ZNF91: variants seen among roughly 807,000 people sequenced by gnomAD.
ZNF91 encodes zinc finger protein 91 (HPF7, HTF10).
Under a neutral mutation model 12.6 loss-of-function variants are expected in ZNF91, and 7 were observed. The ratio of observed to expected loss-of-function variants is 0.55; its 90% CI spans 0.31 to 1.04. The LOEUF (loss-of-function observed/expected upper bound fraction) is 1.04. Ranked by LOEUF, ZNF91 falls within the 50% of genes least tolerant of loss-of-function variation. The probability of loss-of-function intolerance (pLI) is 0.05; values close to 1 mark genes in which losing one functional copy is unlikely to be tolerated. For synonymous variants in ZNF91, 453 were observed against 462.6 expected (o/e 0.98, Z 0.27); for missense variants, 1,217 against 1,385.4 (o/e 0.88, Z 1.93).
At chr19:23,313,929 C>G (rs1967510172), upstream of ZNF91, among the ~76,000 whole-genome samples, 1 of 152,128 alleles carries the variant, frequency 6.6e-6, no homozygotes, top group African/African-American at 2.4e-5. Context: ...ATAGCCAGAA[C>G]AGGGACACGT....
rs1206143210 is a variant in ZNF91, at chr19:23,395,351, G to C, written c.4C>G (p.Pro2Ala). The C allele has an allele frequency of 3.7e-6, 6 of 1,613,784 alleles. No homozygotes were observed. Among genetic ancestry groups the C allele is most frequent in the Non-Finnish European group, 5.1e-6 (6 of 1,179,916 alleles). Reference protein sequence around the residue: MPGTPGSLEMGL... With the variant: MAGTPGSLEMGL... Reference sequence around the variant, plus strand: ...ATTTCTAGGCTTCCAGGGGTTCCTGGCATCTTAGCTGTGGCTCTCCAATAC... The same window carrying C: ...ATTTCTAGGCTTCCAGGGGTTCCTGCCATCTTAGCTGTGGCTCTCCAATAC... Residue 2 changes from proline (P) to alanine (A), a missense_variant, in exon 1 of 4, where the codon CCA (proline) becomes GCA (alanine). By Grantham distance (27) the Pro-to-Ala change is conservative. Coordinates refer to ENST00000300619, the MANE Select transcript of ZNF91 (RefSeq NM_003430.4).
At chr19:23,368,805 C>T (rs891727641) in intron 3 of ZNF91, among the ~76,000 whole-genome samples, 1 of 151,114 alleles carries the variant, frequency 6.6e-6, no homozygotes, top group Non-Finnish European at 1.5e-5. Flanking sequence ...TAAAACGGAA[C>T]AATAAAGTTA....
intron 3 of ZNF91, chr19:23,339,715 G>A (rs974708830): frequency 6.6e-6 from 1 of 152,110 alleles, no homozygotes; most frequent in Non-Finnish European, 1.5e-5. Context: ...TGAGACAGGT[G>A]GACCACCTGA....
intron 1 of ZNF91, among the ~76,000 whole-genome samples, chr19:23,318,444 G>T (rs1406728644): frequency 6.6e-6 from 1 of 152,128 alleles, no homozygotes; most frequent in African/African-American, 2.4e-5. Context: ...TGCAGGAAAG[G>T]TTGTGATGTG....
chr19:23,385,179 G>C, intron 1 of ZNF91: 1 of 688,474 alleles, frequency 1.5e-6, no homozygotes, highest in Non-Finnish European at 2.6e-6. Flanking sequence ...TCAAGGGAAA[G>C]ACTAAGTCAG....
At chr19:23,388,468 C>G (rs1224970203) in intron 1 of ZNF91, among the ~76,000 whole-genome samples, 1 of 152,148 alleles carries the variant, frequency 6.6e-6, no homozygotes, top group Non-Finnish European at 1.5e-5. Flanking sequence ...TACCTGTTTT[C>G]AAATTATACT....
chr19:23,367,188 A>G lies in ZNF91; in HGVS notation c.254-4463T>C, dbSNP rs139135308. Among the ~76,000 whole-genome samples, 1,028 of 152,306 alleles carry G rather than the reference A, an allele frequency of 6.7e-3. 8 individuals carry two copies. The highest frequency in any genetic ancestry group is 0.023 in the African/African-American group (968 of 41,564). ...TTGTTTGTAGTCCCAACTACTTGAGAGACTTAGGTGGAAAGATAACTTGAG... is the reference window on the plus strand; with the variant it reads ...TTGTTTGTAGTCCCAACTACTTGAGGGACTTAGGTGGAAAGATAACTTGAG... On this transcript the variant is annotated intron_variant, in intron 3 of 3. Transcript: ENST00000300619.
chr19:23,379,984 C>A lies in ZNF91; in HGVS notation c.31-5220G>T, dbSNP rs115465422. On this transcript the variant is annotated intron_variant, in intron 1 of 3. Transcript: ENST00000300619. ...TCAAAGAGTGAAGTCTGGCCGGGTG[C>A]GGTGGCTCATGCCTGTAATCCCAGC... Among the ~76,000 whole-genome samples, 1,290 of 152,058 alleles carry A rather than the reference C, an allele frequency of 8.5e-3. 15 individuals carry two copies. Among genetic ancestry groups the A allele is most frequent in the African/African-American group, 0.029 (1,214 of 41,478 alleles).
intron 1 of ZNF91, among the ~76,000 whole-genome samples, chr19:23,392,833 T>C (rs1041362841): frequency 7.0e-6 from 1 of 142,546 alleles, no homozygotes; most frequent in Non-Finnish European, 1.5e-5. Flanking sequence ...TAGGTCAAAA[T>C]AAGTGAACAA....
At chr19:23,351,217 T>TG (rs1424808772) in intron 3 of ZNF91, among the ~76,000 whole-genome samples, 2 of 151,542 alleles carry the variant, frequency 1.3e-5, no homozygotes, top group Non-Finnish European at 2.9e-5. Flanking sequence ...CCCAGCTACT[T>TG]GGAGGCTGAG....
chr19:23,363,863 A>G (rs901600297), intron 3 of ZNF91, among the ~76,000 whole-genome samples: 1 of 152,194 alleles, frequency 6.6e-6, no homozygotes, highest in East Asian at 1.9e-4. Flanking sequence ...AGGTAAAAAT[A>G]TAAAAACTGA....
At chr19:23,330,449 C>T (rs992102740) in intron 1 of ZNF91, among the ~76,000 whole-genome samples, 2 of 152,162 alleles carry the variant, frequency 1.3e-5, no homozygotes, top group South Asian at 2.1e-4. Flanking sequence ...TCACCAGAAT[C>T]GGAGGTGAGC....
At chr19:23,386,506 C>T (rs1204064439) in intron 1 of ZNF91, among the ~76,000 whole-genome samples, 1 of 152,128 alleles carries the variant, frequency 6.6e-6, no homozygotes, top group Non-Finnish European at 1.5e-5. Flanking sequence ...AATAATGCCA[C>T]ACACCTACAA....
chr19:23,385,156 T>A, intron 1 of ZNF91: 1 of 708,524 alleles, frequency 1.4e-6, no homozygotes, highest in Non-Finnish European at 2.5e-6. Context: ...CCATCCCGCG[T>A]CATGCAAGCT....
chr19:23,366,629 G>T (rs537427031), intron 3 of ZNF91, among the ~76,000 whole-genome samples: 1 of 152,312 alleles, frequency 6.6e-6, no homozygotes, highest in East Asian at 1.9e-4. Context: ...GGTTGAAGGC[G>T]AAGATTAACT....
chr19:23,362,419 C>T lies in ZNF91; in HGVS notation c.560G>A (p.Cys187Tyr), dbSNP rs539170632. Residue 187 changes from cysteine to tyrosine, a missense_variant, in exon 4 of 4, where the codon TGT becomes TAT. Transcript: ENST00000300619. ...TGKKCFKCKKCVKSFCIRLHK... is the reference protein window; with the variant it reads ...TGKKCFKCKKYVKSFCIRLHK... ...TAAACGGATGCAAAATGACTTGACACATTTTTTACATTTGAAGCATTTCTT... is the reference window on the plus strand; with the variant it reads ...TAAACGGATGCAAAATGACTTGACATATTTTTTACATTTGAAGCATTTCTT... The T allele has an allele frequency of 1.3e-5, 21 of 1,613,936 alleles. No homozygotes were observed. In the East Asian group the frequency reaches 3.6e-4, roughly 27 times the overall value.
At chr19:23,315,593 C>A (rs76037634), upstream of ZNF91, among the ~76,000 whole-genome samples, 2 of 151,152 alleles carry the variant, frequency 1.3e-5, no homozygotes, top group African/African-American at 4.9e-5. Flanking sequence ...CTTTCTTGGA[C>A]CTGTCCACAG....
At chr19:23,322,386 T>C (rs1344581840) in intron 1 of ZNF91, among the ~76,000 whole-genome samples, 1 of 152,188 alleles carries the variant, frequency 6.6e-6, no homozygotes, top group African/African-American at 2.4e-5. Context: ...CACCTAACTG[T>C]TGTGGCTCTC....
chr19:23,329,065 T>C (rs1967884181), intron 1 of ZNF91: 1 of 152,242 alleles, frequency 6.6e-6, no homozygotes, highest in Non-Finnish European at 1.5e-5. Flanking sequence ...GATAAACCAA[T>C]GTTACATTCT....
Sources: gnomAD v4.1 joint callset for allele counts (sites outside exome capture counted in the v4.1 genomes callset) on GRCh38, gnomAD v4.1.1 for gene constraint, MANE v1.5 for transcripts, NCBI Gene and HGNC (gene_info 2026-07-23, HGNC 2026-07-21) for gene names.